The following TTC23 variants were observed in gnomAD, a reference collection of about 807,000 sequenced individuals.
The protein encoded by TTC23 is tetratricopeptide repeat domain 23.
TTC23 carries 58 observed loss-of-function variants against 55.1 expected under a neutral mutation model. The ratio of observed to expected loss-of-function variants is 1.05; its 90% CI spans 0.85 to 1.31. The LOEUF (loss-of-function observed/expected upper bound fraction) is 1.31. Among genes scored for constraint, TTC23 ranks in the 50% most tolerant of loss-of-function variants. The pLI is 0.00. For synonymous variants in TTC23, 203 were observed against 199.9 expected (o/e 1.02, Z -0.13); for missense variants, 516 against 534.4 (o/e 0.97, Z 0.34).
intron 5 of TTC23, among the ~76,000 whole-genome samples, chr15:99,222,366 CA>C (rs2078015542): frequency 6.6e-6 from 1 of 152,126 alleles, no homozygotes; most frequent in South Asian, 2.1e-4. Flanking sequence ...CCTCGACCTC[CA>C]GGGGGCTCGA....
chr15:99,207,681 C>T (rs913814346), intron 8 of TTC23, among the ~76,000 whole-genome samples: 4 of 152,262 alleles, frequency 2.6e-5, no homozygotes, highest in African/African-American at 7.2e-5. Flanking sequence ...CGCTTGAACC[C>T]GGGAGATGGA....
intron 8 of TTC23, among the ~76,000 whole-genome samples, chr15:99,212,509 C>T (rs1035927702): frequency 1.4e-4 from 22 of 152,060 alleles, no homozygotes; most frequent in African/African-American, 4.8e-4. Context: ...CATTACTGTA[C>T]GAAGTAGCAC....
intron 6 of TTC23, 148 bp from the exon 7 acceptor site, chr15:99,219,196 C>T (rs1302514500): frequency 2.3e-6 from 2 of 855,908 alleles, no homozygotes; most frequent in African/African-American, 3.3e-5. Flanking sequence ...TGAAACACTG[C>T]CATGACTGTA....
intron 8 of TTC23, among the ~76,000 whole-genome samples, chr15:99,212,185 G>C (rs2077088971): frequency 6.6e-6 from 1 of 152,078 alleles, no homozygotes; most frequent in Non-Finnish European, 1.5e-5. Context: ...GAGAGCTGGG[G>C]GAAAATCACA....
chr15:99,196,044 C>T (rs1028253627), intron 9 of TTC23, among the ~76,000 whole-genome samples: 2 of 151,192 alleles, frequency 1.3e-5, no homozygotes, highest in Non-Finnish European at 2.9e-5. Flanking sequence ...CCCAGCTACT[C>T]GGGAGGCTGA....
chr15:99,178,371 G>A (rs192834730), intron 9 of TTC23, among the ~76,000 whole-genome samples: 7 of 152,196 alleles, frequency 4.6e-5, no homozygotes, highest in South Asian at 2.1e-4. Context: ...TAAACCATAT[G>A]CTAGAGGGAA....
At chr15:99,151,805 A>G (rs1228665275) in intron 12 of TTC23, among the ~76,000 whole-genome samples, 1 of 152,228 alleles carries the variant, frequency 6.6e-6, no homozygotes, top group Non-Finnish European at 1.5e-5. Context: ...ATGGCCCTGT[A>G]GTATACACTG....
intron 3 of TTC23, among the ~76,000 whole-genome samples, chr15:99,238,927 TA>T (rs1341160287): frequency 1.3e-5 from 2 of 152,208 alleles, no homozygotes; most frequent in Admixed American, 1.3e-4. Flanking sequence ...GAGCACCTAT[TA>T]AATCTTATGG....
chr15:99,201,370 G>A (rs1325166409), intron 8 of TTC23, among the ~76,000 whole-genome samples: 1 of 152,086 alleles, frequency 6.6e-6, no homozygotes, highest in Non-Finnish European at 1.5e-5. Flanking sequence ...AATTTTATGT[G>A]CAAAATTTAT....
rs915055463 is a variant in TTC23 at position 99,194,753 on chromosome 15, T to C, written c.759+5166A>G. Among the ~76,000 whole-genome samples the C allele has an allele frequency of 4.6e-5, 7 of 152,162 alleles. 1 individual carries two copies. In the East Asian group the frequency reaches 9.7e-4, roughly 21 times the overall value. ...GAGGTCAAGACCAGCCTGACCAACA[T>C]GGAGAAACCCCGTCTCTACTAAAAA... On this transcript the variant is annotated intron_variant, in intron 9 of 13. Transcript: ENST00000394132.
intron 10 of TTC23, among the ~76,000 whole-genome samples, chr15:99,166,218 C>T (rs540324895): frequency 1.1e-4 from 16 of 152,342 alleles, no homozygotes; most frequent in African/African-American, 3.6e-4. Flanking sequence ...CACGGGTGGA[C>T]ACAGCCGCAC....
intron 9 of TTC23, among the ~76,000 whole-genome samples, chr15:99,196,440 A>G (rs2075716833): frequency 6.6e-6 from 1 of 152,206 alleles, no homozygotes; most frequent in African/African-American, 2.4e-5. Context: ...AGGTTTTTGT[A>G]TAAGAATATT....
chr15:99,234,954 C>G (rs1382442399), intron 4 of TTC23, 34 bp downstream of exon 4: 1 of 150,344 alleles, frequency 6.7e-6, no homozygotes, highest in East Asian at 2.0e-4. Flanking sequence ...AAAAAAAAAA[C>G]TGGTAAAATA....
chr15:99,236,467 C>A (rs1355499192), intron 3 of TTC23, among the ~76,000 whole-genome samples: 2 of 140,720 alleles, frequency 1.4e-5, no homozygotes, highest in Non-Finnish European at 3.1e-5. Context: ...CCTTTTCTCA[C>A]TTTTTTTTTT....
intron 11 of TTC23, chr15:99,157,716 C>T (rs2070806254): frequency 6.6e-6 from 1 of 152,118 alleles, no homozygotes; most frequent in Non-Finnish European, 1.5e-5. Flanking sequence ...TTTGGTTTAT[C>T]CAATTTATTT....
chr15:99,233,970 T>C (rs957163616), intron 4 of TTC23, among the ~76,000 whole-genome samples: 2 of 152,134 alleles, frequency 1.3e-5, no homozygotes, highest in African/African-American at 4.8e-5. Flanking sequence ...CAACTAGATA[T>C]TCACACGTAA....
At chr15:99,212,405 C>A (rs7183226) in intron 8 of TTC23, among the ~76,000 whole-genome samples, 123,184 of 152,190 alleles carry the variant, frequency 0.81, 50,092 homozygotes, top group African/African-American at 0.89. Flanking sequence ...AAATTTGCCC[C>A]TTTTTGTAAG....
At chr15:99,197,767 A>G (rs890020888) in intron 9 of TTC23, among the ~76,000 whole-genome samples, 6 of 151,874 alleles carry the variant, frequency 4.0e-5, no homozygotes, top group African/African-American at 1.5e-4. Flanking sequence ...TTAGCCAGGC[A>G]TGGTGGCGGG....
chr15:99,249,979 GAA>G (rs2098906482), upstream of TTC23, among the ~76,000 whole-genome samples: 1 of 151,950 alleles, frequency 6.6e-6, no homozygotes, highest in Admixed American at 6.6e-5. Flanking sequence ...ATTAATCACT[GAA>G]AAACAGTATT....
Sources: gnomAD v4.1 joint callset for allele counts (sites outside exome capture counted in the v4.1 genomes callset) on GRCh38, gnomAD v4.1.1 for gene constraint, MANE v1.5 for transcripts, NCBI Gene and HGNC (gene_info 2026-07-23, HGNC 2026-07-21) for gene names.